MDN1: variants seen among roughly 807,000 people sequenced by gnomAD.
MDN1 encodes the protein midasin AAA ATPase 1.
Under a neutral mutation model 669.2 loss-of-function variants are expected in MDN1, and 266 were observed. That is an observed-to-expected ratio of 0.40 (90% CI 0.36 to 0.44). The LOEUF (loss-of-function observed/expected upper bound fraction) is 0.44. Among genes scored for constraint, MDN1 ranks in the 20% least tolerant of loss-of-function variants. The pLI, the probability that MDN1 is intolerant of heterozygous loss-of-function variation, is 1.00. For synonymous variants in MDN1, 2,385 were observed against 2,457.1 expected (o/e 0.97, Z 0.87); for missense variants, 5,940 against 6,754.0 (o/e 0.88, Z 4.22).
intron 2 of MDN1, among the ~76,000 whole-genome samples, chr6:89,796,412 A>AAGTAACT (rs935463133): frequency 6.6e-6 from 1 of 151,988 alleles, no homozygotes; most frequent in African/African-American, 2.4e-5. Flanking sequence ...ACAGACCAAT[A>AAGTAACT]AGTAACTAGT....
chr6:89,702,749 A>G (rs1813238835), intron 53 of MDN1, among the ~76,000 whole-genome samples: 1 of 152,226 alleles, frequency 6.6e-6, no homozygotes, highest in Non-Finnish European at 1.5e-5. Context: ...AGAAGTTTTA[A>G]ATTTTGATGA....
chr6:89,696,569 G>A lies in MDN1; in HGVS notation c.9174C>T (p.Pro3058=), dbSNP rs745602127. Residue 3058 remains proline, a synonymous_variant, in exon 60 of 102, where the codon CCC becomes CCT. Transcript: ENST00000369393. The part of the protein sequence containing the change: ...KSVLDSTLKG[P]GNLNRPIFSK... ...AGAATATGGGTCTATTGAGATTGCC[G>A]GGGCCCTAAAGGACAAGAGAAGAGT... is the stretch of plus-strand genomic sequence containing the variant. 3.2e-5 allele frequency: 52 copies of A among 1,613,022 alleles called. No individual in the cohort carries two copies. The highest frequency in any genetic ancestry group is 3.2e-4 in the Admixed American group (19 of 59,988).
At chr6:89,787,728 T>C in intron 8 of MDN1, 126 bp downstream of exon 8, 2 of 630,022 alleles carry the variant, frequency 3.2e-6, no homozygotes, top group Non-Finnish European at 5.5e-6. Flanking sequence ...GTTAGACCTG[T>C]TATCACTTCC....
chr6:89,728,990 C>T lies in MDN1; in HGVS notation c.5290G>A (p.Gly1764Arg), dbSNP rs757372917. 2.5e-6 allele frequency: 4 copies of T among 1,614,108 alleles called. No individual in the cohort carries two copies. Among genetic ancestry groups the T allele is most frequent in the East Asian group, 2.2e-5 (1 of 44,870 alleles). The change falls in exon 36 of 102, where the codon GGA (glycine) becomes AGA (arginine). Residue 1764 changes from glycine to arginine, a missense_variant. Transcript: ENST00000369393. ...SPGVGKTSLV[G>R]ALAKASGNTL... ...TTTCCTGAAGCCTTTGCTAATGCTCCCACCAAACTTGTCTTGCCAACACCA... is the reference window on the plus strand; with the variant it reads ...TTTCCTGAAGCCTTTGCTAATGCTCTCACCAAACTTGTCTTGCCAACACCA...
At chr6:89,722,325 G>A (rs945724848) in intron 40 of MDN1, among the ~76,000 whole-genome samples, 4 of 152,062 alleles carry the variant, frequency 2.6e-5, no homozygotes, top group African/African-American at 7.2e-5. Flanking sequence ...CCTCTTCTAC[G>A]GAGTATCACC....
chr6:89,739,071 T>C (rs1353833103), intron 32 of MDN1, among the ~76,000 whole-genome samples: 1 of 152,232 alleles, frequency 6.6e-6, no homozygotes, highest in African/African-American at 2.4e-5. Context: ...CTGATTACTT[T>C]GTAATTACTT....
chr6:89,745,229 G>A (rs762555102), intron 29 of MDN1, 44 bp downstream of exon 29: 4 of 1,592,220 alleles, frequency 2.5e-6, no homozygotes, highest in Non-Finnish European at 3.4e-6. Context: ...GTAATCCTAT[G>A]GAATTGAAAT....
At chr6:89,707,739 C>A (rs899515283) in intron 51 of MDN1, among the ~76,000 whole-genome samples, 1 of 152,196 alleles carries the variant, frequency 6.6e-6, no homozygotes, top group Non-Finnish European at 1.5e-5. Flanking sequence ...GCACCGTGAA[C>A]TCTTCAAAGT....
At position 89,658,774 on chromosome 6, in the gene MDN1, C is replaced by A; in HGVS notation, c.14857G>T (p.Gly4953Trp). 4 of 1,614,174 alleles carry A rather than the reference C, an allele frequency of 2.5e-6. 1 individual carries two copies. The South Asian group carries it at 3.3e-5, about 13-fold the overall frequency. ...EGPSEDDKAE[G>W]EEEMDTGADD... is the part of the protein sequence containing the mutation. Reference sequence around the variant, plus strand: ...GCTCCTGTGTCCATTTCCTCTTCCCCTTCTGCCTTGTCATCTTCACTGGGG... The same window carrying A: ...GCTCCTGTGTCCATTTCCTCTTCCCATTCTGCCTTGTCATCTTCACTGGGG... Residue 4953 changes from glycine to tryptophan, a missense_variant, in exon 89 of 102, where the codon GGG becomes TGG. Around this residue, in one of 5 missense-constraint regions of MDN1, gnomAD observed 2,280 missense variants for 2,576.3 expected, o/e 0.88. Transcript: ENST00000369393.
At chr6:89,796,317 T>A (rs1584384837) in intron 2 of MDN1, among the ~76,000 whole-genome samples, 1 of 76,128 alleles carries the variant, frequency 1.3e-5, no homozygotes, top group African/African-American at 6.1e-5. Context: ...AGAGCAAAAC[T>A]CTGTCTCAAA....
intron 66 of MDN1, 120 bp from the exon 67 acceptor site, chr6:89,688,293 A>G (rs1386875455): frequency 1.0e-5 from 9 of 857,578 alleles, no homozygotes; most frequent in South Asian, 1.7e-5. Flanking sequence ...AACACCTCTG[A>G]AAAAAAAAAC....
chr6:89,713,455 C>T (rs1048058794), intron 46 of MDN1, among the ~76,000 whole-genome samples, 159 bp from the exon 47 acceptor site: 6 of 152,174 alleles, frequency 3.9e-5, no homozygotes, highest in African/African-American at 1.4e-4. Context: ...CCTCCGAGGG[C>T]ACAAAGGACC....
rs1815315924 is a variant in MDN1 at position 89,727,511 on chromosome 6, G to A, written c.5472+322C>T. Among the ~76,000 whole-genome samples, 4 of 152,080 alleles carry A rather than the reference G, an allele frequency of 2.6e-5. No homozygotes were observed. The South Asian group carries it at 8.3e-4, about 31-fold the overall frequency. On this transcript the variant is annotated intron_variant, in intron 37 of 101. Coordinates refer to ENST00000369393, the MANE Select transcript of MDN1 (RefSeq NM_014611.3). ...ACTAATAAAACATGAAGCGGTTGAC[G>A]CTATTTATAAAATGCCTCTAAAATA...
At chr6:89,809,986 G>A (rs1768283401) in intron 1 of MDN1, among the ~76,000 whole-genome samples, 2 of 72,240 alleles carry the variant, frequency 2.8e-5, no homozygotes, top group East Asian at 4.5e-4. Flanking sequence ...GTGAGACTCC[G>A]TTTCACTAAA....
At chr6:89,679,505 AC>A (rs1811454614) in intron 74 of MDN1, among the ~76,000 whole-genome samples, 1 of 152,176 alleles carries the variant, frequency 6.6e-6, no homozygotes, top group African/African-American at 2.4e-5. Context: ...GTATCTGGAG[AC>A]AGGGCCTTTA....
chr6:89,810,668 G>C (rs1042057948), intron 1 of MDN1, among the ~76,000 whole-genome samples: 1 of 151,928 alleles, frequency 6.6e-6, no homozygotes, highest in African/African-American at 2.4e-5. Flanking sequence ...TCGCCACATG[G>C]CCATCTTCCC....
intron 91 of MDN1, 108 bp from the exon 92 acceptor site, chr6:89,656,076 C>A: frequency 2.1e-6 from 2 of 962,692 alleles, no homozygotes. Context: ...TCAGGTGTAG[C>A]CATACAAGAA....
At chr6:89,728,618 A>G (rs917837953) in intron 36 of MDN1, among the ~76,000 whole-genome samples, 4 of 152,112 alleles carry the variant, frequency 2.6e-5, no homozygotes, top group Non-Finnish European at 5.9e-5. Flanking sequence ...ATCACTTGAC[A>G]TAAGGAGTTT....
chr6:89,717,629 G>A (rs530802355), intron 43 of MDN1, among the ~76,000 whole-genome samples: 1 of 152,120 alleles, frequency 6.6e-6, no homozygotes, highest in Admixed American at 6.5e-5. Context: ...TTTATAATTA[G>A]AGTGAATGAG....
Sources: allele counts gnomAD v4.1 joint callset (sites outside exome capture counted in the v4.1 genomes callset), GRCh38; gene constraint gnomAD v4.1.1; regional missense constraint gnomAD v4.1.1; transcripts MANE v1.5; gene names NCBI Gene and HGNC (gene_info 2026-07-23, HGNC 2026-07-21).